MACROD2: variants seen among roughly 807,000 people sequenced by gnomAD.
MACROD2 encodes mono-ADP ribosylhydrolase 2.
MACROD2 carries 36 observed loss-of-function variants against 70.4 expected under a neutral mutation model. The ratio of observed to expected loss-of-function variants is 0.51; its 90% CI spans 0.39 to 0.68. MACROD2 has a LOEUF of 0.68. Ranked by LOEUF, MACROD2 falls within the 30% of genes least tolerant of loss-of-function variation. The probability of loss-of-function intolerance (pLI) is 0.00; values close to 1 mark genes in which losing one functional copy is unlikely to be tolerated. For synonymous variants in MACROD2, 172 were observed against 178.8 expected, an observed-to-expected ratio of 0.96 and a Z score of 0.30; for missense variants, 496 against 538.4, an observed-to-expected ratio of 0.92 and a Z score of 0.78.
At chr20:14,251,750 A>G (rs777433752) in intron 3 of MACROD2, among the ~76,000 whole-genome samples, 18 of 152,122 alleles carry the variant, frequency 1.2e-4, no homozygotes, top group Non-Finnish European at 5.9e-5. Context: ...CTATGCAATG[A>G]CATGATAGGA....
intron 4 of MACROD2, among the ~76,000 whole-genome samples, chr20:14,661,049 TC>T (rs1297583437): frequency 6.6e-6 from 1 of 152,174 alleles, no homozygotes; most frequent in African/African-American, 2.4e-5. Flanking sequence ...CAATTCATTT[TC>T]CTGTGGGTAT....
At chr20:14,235,061 A>G (rs1287452110) in intron 3 of MACROD2, among the ~76,000 whole-genome samples, 1 of 152,190 alleles carries the variant, frequency 6.6e-6, no homozygotes, top group Non-Finnish European at 1.5e-5. Context: ...ATAGGTGGTA[A>G]TTGGAAGTTG....
chr20:14,629,084 C>T (rs1984356957), intron 4 of MACROD2, among the ~76,000 whole-genome samples: 1 of 152,128 alleles, frequency 6.6e-6, no homozygotes, highest in African/African-American at 2.4e-5. Context: ...AATAGGCGTA[C>T]CACTTGTCAC....
At chr20:14,757,274 A>G (rs926361971) in intron 5 of MACROD2, among the ~76,000 whole-genome samples, 8 of 152,288 alleles carry the variant, frequency 5.3e-5, no homozygotes, top group African/African-American at 1.9e-4. Context: ...AAAGGAAATC[A>G]CTTTCAGTAA....
At chr20:14,599,121 A>C (rs1982326169) in intron 4 of MACROD2, among the ~76,000 whole-genome samples, 1 of 152,186 alleles carries the variant, frequency 6.6e-6, no homozygotes, top group Non-Finnish European at 1.5e-5. Flanking sequence ...AAGTAGTTAT[A>C]AATGTATATA....
chr20:15,609,296 T>C (rs923484693), intron 8 of MACROD2, among the ~76,000 whole-genome samples: 4 of 152,226 alleles, frequency 2.6e-5, no homozygotes, highest in African/African-American at 7.2e-5. Flanking sequence ...ATGGTATCTT[T>C]GTTTTCTGAA....
At chr20:15,062,639 T>G (rs2075542021) in intron 5 of MACROD2, among the ~76,000 whole-genome samples, 2 of 152,250 alleles carry the variant, frequency 1.3e-5, no homozygotes, top group Non-Finnish European at 2.9e-5. Context: ...GTTTTTTCTT[T>G]TAACTAATTA....
intron 5 of MACROD2, among the ~76,000 whole-genome samples, chr20:14,967,953 C>G (rs2074653897): frequency 6.6e-6 from 1 of 152,078 alleles, no homozygotes; most frequent in East Asian, 1.9e-4. Context: ...TTGTTCTACT[C>G]TAATACTTCT....
At chr20:14,200,597 A>C (rs73262992) in intron 3 of MACROD2, among the ~76,000 whole-genome samples, 2 of 152,178 alleles carry the variant, frequency 1.3e-5, no homozygotes, top group Non-Finnish European at 2.9e-5. Context: ...ATAGGTTCCT[A>C]GAAATAAAAT....
intron 5 of MACROD2, among the ~76,000 whole-genome samples, chr20:15,214,366 C>G (rs1315240354): frequency 6.6e-6 from 1 of 151,988 alleles, no homozygotes; most frequent in Non-Finnish European, 1.5e-5. Context: ...GATTCCCAGG[C>G]CCAGAGGATA....
At chr20:14,895,732 T>G (rs548825483) in intron 5 of MACROD2, among the ~76,000 whole-genome samples, 20 of 152,194 alleles carry the variant, frequency 1.3e-4, no homozygotes, top group Non-Finnish European at 1.5e-4. Context: ...AGAGAAAAGA[T>G]AAAAATATTA....
intron 8 of MACROD2, among the ~76,000 whole-genome samples, chr20:15,707,208 A>G (rs1266851627): frequency 6.6e-6 from 1 of 152,128 alleles, no homozygotes; most frequent in African/African-American, 2.4e-5. Context: ...GAGTATGAGG[A>G]ATTTAAGTAG....
chr20:14,124,218 T>C (rs777184520), intron 3 of MACROD2, among the ~76,000 whole-genome samples: 3 of 152,138 alleles, frequency 2.0e-5, no homozygotes, highest in Admixed American at 6.6e-5. Flanking sequence ...TTTCTTGAAA[T>C]TGGTGTCAAA....
chr20:14,410,432 G>C (rs1280075384), intron 3 of MACROD2, among the ~76,000 whole-genome samples: 8 of 151,986 alleles, frequency 5.3e-5, no homozygotes, highest in Admixed American at 4.6e-4. Flanking sequence ...GTCTTTCTAT[G>C]TGTACTCAAT....
intron 5 of MACROD2, among the ~76,000 whole-genome samples, chr20:15,055,912 G>A (rs970989309): frequency 2.0e-5 from 3 of 150,294 alleles, no homozygotes; most frequent in East Asian, 2.0e-4. Flanking sequence ...TCAGCCTCCC[G>A]AGTAGCTGGG....
At chr20:14,649,112 A>AC (rs1422325308) in intron 4 of MACROD2, among the ~76,000 whole-genome samples, 1 of 152,046 alleles carries the variant, frequency 6.6e-6, no homozygotes, top group African/African-American at 2.4e-5. Flanking sequence ...TAGGGCTTCT[A>AC]CCCCCCTGCC....
chr20:15,690,090 AT>A (rs566244507), intron 8 of MACROD2, among the ~76,000 whole-genome samples: 6 of 152,212 alleles, frequency 3.9e-5, no homozygotes, highest in Non-Finnish European at 8.8e-5. Context: ...CCAGACTTAC[AT>A]TTATGAAACA....
chr20:14,981,325 A>G (rs2074797022), intron 5 of MACROD2, among the ~76,000 whole-genome samples: 1 of 151,632 alleles, frequency 6.6e-6, no homozygotes, highest in Non-Finnish European at 1.5e-5. Context: ...CCTCTTTTCC[A>G]TTCACCTGGG....
intron 5 of MACROD2, among the ~76,000 whole-genome samples, chr20:14,694,474 A>G (rs1432013830): frequency 6.6e-6 from 1 of 152,128 alleles, no homozygotes; most frequent in African/African-American, 2.4e-5. Flanking sequence ...GATCATACCA[A>G]CCCTCTTATA....
Sources: gnomAD v4.1 joint callset for allele counts (sites outside exome capture counted in the v4.1 genomes callset) on GRCh38, gnomAD v4.1.1 for gene constraint, MANE v1.5 for transcripts, NCBI Gene and HGNC (gene_info 2026-07-23, HGNC 2026-07-21) for gene names.